The following CNTNAP2 variants were observed in gnomAD, a reference collection of about 807,000 sequenced individuals.
CNTNAP2 encodes the protein contactin associated protein 2, also known as contactin-associated protein-like 2.
CNTNAP2 carries 98 observed loss-of-function variants against 155.2 expected under a neutral mutation model. That is an observed-to-expected ratio of 0.63 (90% confidence interval 0.54 to 0.75). CNTNAP2 has a LOEUF of 0.75. CNTNAP2 is among the 30% of genes least tolerant of loss of function. The pLI is 0.00. For missense variants in CNTNAP2, 1,727 were observed against 1,688.1 expected, an observed-to-expected ratio of 1.02 and a Z score of -0.40; for synonymous variants, 651 against 631.2, an observed-to-expected ratio of 1.03 and a Z score of -0.47.
chr7:146,978,223 A>G (rs765476184), intron 3 of CNTNAP2, among the ~76,000 whole-genome samples: 16 of 152,296 alleles, frequency 1.1e-4, no homozygotes, highest in Non-Finnish European at 2.1e-4. Context: ...TGCAAAATCA[A>G]AACAGATCTG....
intron 2 of CNTNAP2, among the ~76,000 whole-genome samples, chr7:146,829,767 C>G (rs956468597): frequency 1.3e-5 from 2 of 152,022 alleles, no homozygotes; most frequent in African/African-American, 4.8e-5. Context: ...TAAAGCTTAA[C>G]CGTCTTTAGT....
intron 3 of CNTNAP2, among the ~76,000 whole-genome samples, chr7:146,960,626 T>C (rs1332918996): frequency 6.6e-6 from 1 of 152,238 alleles, no homozygotes; most frequent in Non-Finnish European, 1.5e-5. Flanking sequence ...CAATCTGAGA[T>C]GCATTGGTAA....
intron 8 of CNTNAP2, among the ~76,000 whole-genome samples, chr7:147,282,496 A>G (rs933063970): frequency 1.3e-5 from 2 of 151,848 alleles, no homozygotes; most frequent in East Asian, 1.9e-4. Flanking sequence ...AGAGTTAAAC[A>G]TTAGGCTATT....
chr7:147,651,463 A>G (rs1795449534), intron 13 of CNTNAP2, among the ~76,000 whole-genome samples: 1 of 152,256 alleles, frequency 6.6e-6, no homozygotes, highest in Admixed American at 6.5e-5. Flanking sequence ...ACCGACCATC[A>G]CAGTCAACAA....
intron 13 of CNTNAP2, among the ~76,000 whole-genome samples, chr7:147,786,312 T>C (rs1256857230): frequency 1.3e-5 from 2 of 152,134 alleles, no homozygotes; most frequent in Non-Finnish European, 2.9e-5. Flanking sequence ...ATGAGTGGCA[T>C]GCATACTCTA....
intron 15 of CNTNAP2, among the ~76,000 whole-genome samples, chr7:148,083,159 C>T (rs1048618345): frequency 6.6e-6 from 1 of 152,132 alleles, no homozygotes; most frequent in African/African-American, 2.4e-5. Flanking sequence ...AGATTTATCC[C>T]ATTGCTTTGT....
chr7:146,704,835 T>G (rs1800936318), intron 1 of CNTNAP2, among the ~76,000 whole-genome samples: 1 of 152,180 alleles, frequency 6.6e-6, no homozygotes, highest in Admixed American at 6.6e-5. Context: ...TTCTATTGAC[T>G]ATATCTGCAT....
intron 1 of CNTNAP2, among the ~76,000 whole-genome samples, chr7:146,622,685 A>G (rs2129156812): frequency 6.6e-6 from 1 of 152,188 alleles, no homozygotes; most frequent in Non-Finnish European, 1.5e-5. Context: ...GGCTGGGCGC[A>G]GTGGCTCATG....
intron 13 of CNTNAP2, among the ~76,000 whole-genome samples, chr7:147,752,005 A>G (rs1480010682): frequency 2.0e-5 from 3 of 152,182 alleles, no homozygotes; most frequent in Admixed American, 6.5e-5. Context: ...CTGATTAGCA[A>G]TATGTCATCC....
At chr7:146,141,072 T>G (rs2116756839) in intron 1 of CNTNAP2, among the ~76,000 whole-genome samples, 1 of 152,348 alleles carries the variant, frequency 6.6e-6, no homozygotes, top group African/African-American at 2.4e-5. Context: ...TAATGTGCAC[T>G]AATTTTCTAA....
At chr7:147,946,643 G>A (rs530544543) in intron 14 of CNTNAP2, among the ~76,000 whole-genome samples, 22 of 152,106 alleles carry the variant, frequency 1.4e-4, no homozygotes, top group African/African-American at 3.4e-4. Flanking sequence ...TTTTCTTGGC[G>A]AGAAATAGTC....
intron 1 of CNTNAP2, among the ~76,000 whole-genome samples, chr7:146,527,195 A>G (rs1797703565): frequency 6.6e-6 from 1 of 152,120 alleles, no homozygotes; most frequent in Non-Finnish European, 1.5e-5. Context: ...AGAAAGCTCC[A>G]CAATTGGAAT....
intron 18 of CNTNAP2, among the ~76,000 whole-genome samples, chr7:148,199,818 T>G: frequency 6.6e-6 from 1 of 152,194 alleles, no homozygotes; most frequent in East Asian, 1.9e-4. Flanking sequence ...CATGTTATTA[T>G]AGAGGCCAAG....
intron 16 of CNTNAP2, among the ~76,000 whole-genome samples, chr7:148,130,637 C>T (rs1227517114): frequency 2.0e-5 from 3 of 152,116 alleles, no homozygotes; most frequent in African/African-American, 7.2e-5. Context: ...GTTTTTTTCC[C>T]CTACTCCATA....
chr7:146,337,135 C>G (rs1028092442), intron 1 of CNTNAP2, among the ~76,000 whole-genome samples: 2 of 151,900 alleles, frequency 1.3e-5, no homozygotes, highest in South Asian at 2.1e-4. Flanking sequence ...TACCCAGGAC[C>G]CCCCTGTCTT....
At chr7:146,715,015 G>A (rs540662045) in intron 1 of CNTNAP2, among the ~76,000 whole-genome samples, 1 of 152,208 alleles carries the variant, frequency 6.6e-6, no homozygotes, top group South Asian at 2.1e-4. Context: ...GATAAAGCAA[G>A]TACAAGTATT....
chr7:147,436,119 C>G (rs1434518055), intron 10 of CNTNAP2, among the ~76,000 whole-genome samples: 2 of 152,144 alleles, frequency 1.3e-5, no homozygotes, highest in African/African-American at 2.4e-5. Context: ...ACCTGGGCAA[C>G]TGAAATAAGA....
intron 10 of CNTNAP2, among the ~76,000 whole-genome samples, chr7:147,417,395 G>T (rs75480742): frequency 2.0e-5 from 3 of 152,102 alleles, no homozygotes; most frequent in African/African-American, 7.2e-5. Flanking sequence ...CACATGCTAG[G>T]CAGGCAAAGG....
At chr7:146,242,192 A>G (rs1330727233) in intron 1 of CNTNAP2, among the ~76,000 whole-genome samples, 1 of 152,158 alleles carries the variant, frequency 6.6e-6, no homozygotes, top group Non-Finnish European at 1.5e-5. Flanking sequence ...TAAAACTGAC[A>G]ATCTATCCAA....
Sources: gnomAD v4.1 joint callset for allele counts (sites outside exome capture counted in the v4.1 genomes callset) on GRCh38, gnomAD v4.1.1 for gene constraint, MANE v1.5 for transcripts, NCBI Gene and HGNC (gene_info 2026-07-23, HGNC 2026-07-21) for gene names.